The following PLS1 variants were observed in gnomAD, a reference collection of about 807,000 sequenced individuals.
PLS1 encodes plastin-1.
Under a neutral mutation model 73.7 loss-of-function variants are expected in PLS1, and 32 were observed. That is an observed-to-expected ratio of 0.43 (90% CI 0.33 to 0.58). The LOEUF (loss-of-function observed/expected upper bound fraction) is 0.58. Among genes scored for constraint, PLS1 ranks in the 20% least tolerant of loss-of-function variants. The pLI, the probability that PLS1 is intolerant of heterozygous loss-of-function variation, is 0.04. For missense variants in PLS1, 633 were observed against 740.5 expected, an observed-to-expected ratio of 0.85 and a Z score of 1.68; for synonymous variants, 217 against 261.3, an observed-to-expected ratio of 0.83 and a Z score of 1.63.
chr3:142,646,764 T>C (rs144558667), intron 1 of PLS1, among the ~76,000 whole-genome samples: 214 of 152,400 alleles, frequency 1.4e-3, no homozygotes, highest in African/African-American at 4.3e-3. Flanking sequence ...GTCAATGCCC[T>C]GAATCTAGTT....
intron 1 of PLS1, among the ~76,000 whole-genome samples, chr3:142,610,791 C>G (rs1053605586): frequency 6.6e-6 from 1 of 152,182 alleles, no homozygotes; most frequent in Non-Finnish European, 1.5e-5. Flanking sequence ...GCACAACTAT[C>G]TTTACCACAT....
intron 6 of PLS1, among the ~76,000 whole-genome samples, chr3:142,683,320 T>C (rs2107886895): frequency 6.6e-6 from 1 of 152,242 alleles, no homozygotes; most frequent in South Asian, 2.1e-4. Flanking sequence ...CTGGCTAACA[T>C]GGTGAAACGC....
chr3:142,658,129 T>C (rs577349105), intron 1 of PLS1, among the ~76,000 whole-genome samples: 135 of 152,286 alleles, frequency 8.9e-4, no homozygotes, highest in African/African-American at 3.0e-3. Flanking sequence ...ACTTCCTAGA[T>C]TGAGCAGACA....
chr3:142,685,983 T>C (rs998539067), intron 8 of PLS1, among the ~76,000 whole-genome samples: 2 of 152,188 alleles, frequency 1.3e-5, no homozygotes, highest in African/African-American at 4.8e-5. Context: ...AGATAATACT[T>C]GACCTGAATC....
At chr3:142,671,809 C>T (rs2037609178) in intron 4 of PLS1, among the ~76,000 whole-genome samples, 1 of 152,090 alleles carries the variant, frequency 6.6e-6, no homozygotes, top group Non-Finnish European at 1.5e-5. Context: ...TTACCTGTAA[C>T]CTTTTCCCCT....
chr3:142,626,664 C>G (rs1000434296), intron 1 of PLS1, among the ~76,000 whole-genome samples: 1 of 152,122 alleles, frequency 6.6e-6, no homozygotes, highest in African/African-American at 2.4e-5. Flanking sequence ...GATCACACTG[C>G]TCCTCTTTTG....
intron 1 of PLS1, among the ~76,000 whole-genome samples, chr3:142,612,003 G>C (rs775968674): frequency 1.3e-5 from 2 of 152,080 alleles, no homozygotes; most frequent in African/African-American, 2.4e-5. Flanking sequence ...TAAAACCAGC[G>C]CTCTCAATGA....
At chr3:142,642,911 G>A (rs1440928747) in intron 1 of PLS1, among the ~76,000 whole-genome samples, 2 of 152,040 alleles carry the variant, frequency 1.3e-5, no homozygotes, top group African/African-American at 4.8e-5. Flanking sequence ...GGCTGGTCTT[G>A]AACTCCTGGG....
intron 12 of PLS1, chr3:142,698,285 AAGTCAT>A (rs1373537912): frequency 4.7e-6 from 2 of 426,522 alleles, no homozygotes; most frequent in Non-Finnish European, 8.4e-6. Flanking sequence ...CATCTTTATC[AAGTCAT>A]AGTACTTAAT....
chr3:142,606,166 T>C (rs946677080), intron 1 of PLS1, among the ~76,000 whole-genome samples: 3 of 152,236 alleles, frequency 2.0e-5, no homozygotes, highest in African/African-American at 7.2e-5. Flanking sequence ...TCAGTGGGAA[T>C]AGTCTGCATG....
At chr3:142,624,221 CA>C (rs1280853691) in intron 1 of PLS1, among the ~76,000 whole-genome samples, 1 of 151,976 alleles carries the variant, frequency 6.6e-6, no homozygotes, top group Non-Finnish European at 1.5e-5. Flanking sequence ...TTCCAAGTAC[CA>C]AAATGTACTT....
At chr3:142,708,132 G>A (rs889009708) in intron 14 of PLS1, among the ~76,000 whole-genome samples, 2 of 152,182 alleles carry the variant, frequency 1.3e-5, no homozygotes, top group Non-Finnish European at 2.9e-5. Flanking sequence ...TTACCACGCT[G>A]TTGGCATTGC....
chr3:142,644,145 A>G (rs2036901501), intron 1 of PLS1, among the ~76,000 whole-genome samples: 1 of 151,914 alleles, frequency 6.6e-6, no homozygotes, highest in South Asian at 2.1e-4. Flanking sequence ...TTATTTCTAA[A>G]GTTATACAAC....
intron 1 of PLS1, among the ~76,000 whole-genome samples, chr3:142,603,641 G>A (rs531089110): frequency 9.2e-5 from 14 of 152,086 alleles, no homozygotes; most frequent in African/African-American, 2.4e-4. Flanking sequence ...GCATGGTGGC[G>A]CGTGCCTGTA....
At position 142,612,298 on chromosome 3, in the gene PLS1, C is replaced by T. The variant is rs927883582; in HGVS notation, c.-37+15789C>T. On this transcript the variant is annotated intron_variant, in intron 1 of 15. Transcript: ENST00000457734. Reference sequence around the variant, plus strand: ...TCTGAACTTAATTAACACTGATAATCGGGGCAGGGCTGGATTTACAGTGTA... The same window carrying T: ...TCTGAACTTAATTAACACTGATAATTGGGGCAGGGCTGGATTTACAGTGTA... Among the ~76,000 whole-genome samples, 11 of 152,140 alleles carry T rather than the reference C, an allele frequency of 7.2e-5. No homozygotes were observed. The East Asian group carries it at 1.7e-3, about 24-fold the overall frequency.
intron 1 of PLS1, among the ~76,000 whole-genome samples, chr3:142,602,156 A>G (rs2035939151): frequency 6.6e-6 from 1 of 151,196 alleles, no homozygotes; most frequent in Non-Finnish European, 1.5e-5. Flanking sequence ...TTTCTCTTGA[A>G]GCATTCCTAG....
In PLS1 at chr3:142,644,583, T is replaced by A. The variant is rs542184962; in HGVS notation, c.-36-19619T>A. ...AGTAGTTTTTTATTTAAAGTCCTCT[T>A]TTGATGCGCATACTCTTACTCAGCA... On this transcript the variant is annotated intron_variant, in intron 1 of 15. Coordinates refer to ENST00000457734, the MANE Select transcript of PLS1 (RefSeq NM_001145319.2). Among the ~76,000 whole-genome samples, 119 of 152,308 alleles carry A rather than the reference T, an allele frequency of 7.8e-4. 2 individuals carry two copies. The South Asian group carries it at 0.024, about 31-fold the overall frequency.
intron 2 of PLS1, among the ~76,000 whole-genome samples, chr3:142,668,750 C>T (rs929499271): frequency 1.6e-4 from 25 of 151,900 alleles, no homozygotes; most frequent in African/African-American, 5.6e-4. Context: ...TACAGGTGCC[C>T]GCCACTATGC....
At chr3:142,643,698 T>C (rs1414144966) in intron 1 of PLS1, among the ~76,000 whole-genome samples, 1 of 152,202 alleles carries the variant, frequency 6.6e-6, no homozygotes, top group African/African-American at 2.4e-5. Flanking sequence ...GAGCTAACTT[T>C]GATTTAGTTT....
Sources: allele counts gnomAD v4.1 joint callset (sites outside exome capture counted in the v4.1 genomes callset), GRCh38; gene constraint gnomAD v4.1.1; transcripts MANE v1.5; gene names NCBI Gene and HGNC (gene_info 2026-07-23, HGNC 2026-07-21).